Variants in TPP2 observed in about 807,000 individuals in gnomAD.
TPP2 encodes tripeptidyl peptidase 2, also known as tripeptidyl-peptidase 2.
In TPP2, 34 loss-of-function variants were observed where a neutral mutation model predicts 155.9. The observed-to-expected ratio is 0.22, with a 90% CI of 0.17 to 0.29. The LOEUF (loss-of-function observed/expected upper bound fraction) is 0.29. TPP2 is among the 10% of genes least tolerant of loss of function. The pLI, the probability that TPP2 is intolerant of heterozygous loss-of-function variation, is 1.00. For synonymous variants in TPP2, 510 were observed against 529.4 expected, an observed-to-expected ratio of 0.96 and a Z score of 0.50; for missense variants, 1,028 against 1,522.3, an observed-to-expected ratio of 0.68 and a Z score of 5.40.
At chr13:102,673,980 T>G (rs2139620470) in intron 27 of TPP2, among the ~76,000 whole-genome samples, 2 of 152,298 alleles carry the variant, frequency 1.3e-5, no homozygotes, top group South Asian at 4.1e-4. Context: ...TGATTAAGAG[T>G]TATATAGCTA....
intron 17 of TPP2, among the ~76,000 whole-genome samples, chr13:102,644,061 G>GT (rs1468964281): frequency 7.3e-5 from 11 of 150,752 alleles, no homozygotes; most frequent in East Asian, 5.8e-4. Flanking sequence ...AAGAGCAGGT[G>GT]TTTTTTTTTC....
At chr13:102,614,050 G>C (rs747435013) in intron 2 of TPP2, 51 bp from the exon 3 acceptor site, 1 of 1,525,978 alleles carries the variant, frequency 6.6e-7, no homozygotes, top group Non-Finnish European at 9.0e-7. Context: ...TGTATCATTG[G>C]AATTGGAAAG....
rs760067650 is a variant in TPP2 at position 102,622,910 on chromosome 13, G to A, written c.654G>A (p.Leu218=). 18 of 1,613,738 alleles carry A rather than the reference G, an allele frequency of 1.1e-5. No homozygotes were observed. The African/African-American group carries it at 1.9e-4, about 17-fold the overall frequency. The change falls in exon 6 of 30, where the codon TTG becomes TTA. Residue 218 remains leucine, a synonymous_variant. Transcript: ENST00000376052. Reference sequence around the variant, plus strand: ...TTGATTCTAATGAAGATGGGGACTTGAGTAAATCTACCGTGTTGAGAAACT... The same window carrying A: ...TTGATTCTAATGAAGATGGGGACTTAAGTAAATCTACCGTGTTGAGAAACT... The part of the protein sequence containing the change: ...ACIDSNEDGD[L]SKSTVLRNYK...
Position 102,644,955 on chromosome 13 carries a change from A to G in TPP2, c.2339A>G (p.Lys780Arg), listed in dbSNP as rs1253389492. The G allele has an allele frequency of 6.2e-7, 1 of 1,613,962 alleles. No individual in the cohort carries two copies. Among genetic ancestry groups the G allele is most frequent in the Non-Finnish European group, 8.5e-7 (1 of 1,179,974 alleles). ...INRFDVQSSLKYEDLAPCITL... is the reference protein window; with the variant it reads ...INRFDVQSSLRYEDLAPCITL... ...CGCTTTGATGTTCAGTCCTCCTTGAAATACGAAGATCTGGCTCCCTGCATA... is the reference window on the plus strand; with the variant it reads ...CGCTTTGATGTTCAGTCCTCCTTGAGATACGAAGATCTGGCTCCCTGCATA... Residue 780 changes from lysine (K) to arginine (R), a missense_variant, in exon 19 of 30, where the codon AAA becomes AGA. Lys to Arg is a conservative substitution (Grantham distance 26). Coordinates refer to ENST00000376052, the MANE Select transcript of TPP2 (RefSeq NM_001330588.2).
At chr13:102,646,194 C>A in intron 19 of TPP2, 100 bp from the exon 20 acceptor site, 1 of 829,326 alleles carries the variant, frequency 1.2e-6, no homozygotes, top group Non-Finnish European at 1.9e-6. Flanking sequence ...GGTTCATCTG[C>A]ACTTTTTGCA....
intron 19 of TPP2, 127 bp downstream of exon 19, chr13:102,645,136 C>A: frequency 2.3e-6 from 2 of 862,454 alleles, no homozygotes; most frequent in Non-Finnish European, 3.5e-6. Flanking sequence ...TTTATCCTTG[C>A]CAGCAGATCT....
At chr13:102,635,394 A>G (rs1882301009) in intron 11 of TPP2, among the ~76,000 whole-genome samples, 193 bp from the exon 12 acceptor site, 1 of 152,204 alleles carries the variant, frequency 6.6e-6, no homozygotes, top group Non-Finnish European at 1.5e-5. Flanking sequence ...ATTTTTGTGG[A>G]ATGAAGCCTT....
chr13:102,634,030 C>A lies in TPP2; in HGVS notation c.1325C>A (p.Thr442Lys). The change falls in exon 11 of 30, where the codon ACG (threonine) becomes AAG (lysine). Residue 442 changes from threonine (T) to lysine (K), a missense_variant. Transcript: ENST00000376052. ...GTTCCTAACTGGACACTGAGAGGGA[C>A]GCAGCTGATGAATGGAACATCTATG... is the stretch of plus-strand genomic sequence containing the variant. Reference protein sequence around the residue: ...ASVPNWTLRGTQLMNGTSMSS... With the variant: ...ASVPNWTLRGKQLMNGTSMSS... 1 of 1,614,032 alleles carries A rather than the reference C, an allele frequency of 6.2e-7. No individual in the cohort carries two copies. The highest frequency in any genetic ancestry group is 8.5e-7 in the Non-Finnish European group (1 of 1,179,984).
chr13:102,608,531 C>T (rs1225687919), intron 2 of TPP2, among the ~76,000 whole-genome samples: 2 of 151,950 alleles, frequency 1.3e-5, no homozygotes, highest in Non-Finnish European at 2.9e-5. Flanking sequence ...CTTTTTCCTT[C>T]CTGAGAGATT....
At chr13:102,642,580 C>T (rs1882838456) in intron 16 of TPP2, among the ~76,000 whole-genome samples, 1 of 152,114 alleles carries the variant, frequency 6.6e-6, no homozygotes, top group Non-Finnish European at 1.5e-5. Flanking sequence ...GAGCTCTCTG[C>T]ACACCTGGTT....
chr13:102,645,579 G>A (rs111531566), intron 19 of TPP2, among the ~76,000 whole-genome samples: 6 of 152,084 alleles, frequency 3.9e-5, no homozygotes, highest in South Asian at 4.1e-4. Context: ...TCAGTGACAC[G>A]GTGATGTCTA....
intron 27 of TPP2, among the ~76,000 whole-genome samples, chr13:102,666,131 T>A (rs755803628): frequency 1.3e-5 from 2 of 152,206 alleles, no homozygotes; most frequent in Non-Finnish European, 2.9e-5. Context: ...TTAAATTTAG[T>A]CTTCCAAACA....
At chr13:102,605,235 T>C (rs936700093) in intron 2 of TPP2, among the ~76,000 whole-genome samples, 1 of 152,226 alleles carries the variant, frequency 6.6e-6, no homozygotes, top group African/African-American at 2.4e-5. Context: ...GGTGGGTCAC[T>C]GGCAGGCCTT....
At chr13:102,631,001 C>T (rs1422806970) in intron 10 of TPP2, among the ~76,000 whole-genome samples, 1 of 152,062 alleles carries the variant, frequency 6.6e-6, no homozygotes, top group Non-Finnish European at 1.5e-5. Flanking sequence ...TCACTTGAGC[C>T]CTTCATGGAG....
intron 1 of TPP2, 136 bp from the exon 2 acceptor site, chr13:102,604,657 G>A: frequency 1.9e-6 from 2 of 1,033,394 alleles, no homozygotes; most frequent in Non-Finnish European, 2.7e-6. Context: ...CAGGCTTTTG[G>A]CTTAAAACAG....
intron 19 of TPP2, among the ~76,000 whole-genome samples, chr13:102,645,561 G>A (rs932157756): frequency 2.0e-5 from 3 of 152,254 alleles, no homozygotes; most frequent in African/African-American, 7.2e-5. Flanking sequence ...ACCAATTAGG[G>A]ACAATAGTCA....
intron 25 of TPP2, among the ~76,000 whole-genome samples, chr13:102,658,715 G>A (rs1485706182): frequency 6.6e-6 from 1 of 152,096 alleles, no homozygotes; most frequent in African/African-American, 2.4e-5. Flanking sequence ...CAGTTAATGA[G>A]CCAGAAATTT....
At chr13:102,655,748 C>CG (rs574608357) in intron 24 of TPP2, among the ~76,000 whole-genome samples, 135 of 152,148 alleles carry the variant, frequency 8.9e-4, no homozygotes, top group Non-Finnish European at 1.5e-3. Context: ...TGTTCTTGTC[C>CG]GGGGGGGTCA....
At chr13:102,602,300 A>T (rs865900420) in intron 1 of TPP2, among the ~76,000 whole-genome samples, 8 of 152,226 alleles carry the variant, frequency 5.3e-5, no homozygotes, top group Middle Eastern at 3.4e-3. Flanking sequence ...TTTTTGAGAC[A>T]TATAGCCTAT....
Sources: allele counts gnomAD v4.1 joint callset (sites outside exome capture counted in the v4.1 genomes callset), GRCh38; gene constraint gnomAD v4.1.1; transcripts MANE v1.5; gene names NCBI Gene and HGNC (gene_info 2026-07-23, HGNC 2026-07-21).